AXL: variants seen among roughly 807,000 people sequenced by gnomAD.
The protein encoded by AXL is tyrosine-protein kinase receptor UFO.
AXL carries 52 observed loss-of-function variants against 104.5 expected under a neutral mutation model. The observed-to-expected ratio is 0.50, with a 90% CI of 0.40 to 0.63. AXL has a LOEUF of 0.63. Among genes scored for constraint, AXL ranks in the 20% least tolerant of loss-of-function variants. The probability of loss-of-function intolerance (pLI) is 0.00; values close to 1 mark genes in which losing one functional copy is unlikely to be tolerated. For missense variants in AXL, 1,024 were observed against 1,188.5 expected, an observed-to-expected ratio of 0.86 and a Z score of 2.04; for synonymous variants, 455 against 473.7, an observed-to-expected ratio of 0.96 and a Z score of 0.51.
At chr19:41,239,445 C>T in intron 9 of AXL, 131 bp downstream of exon 9, 1 of 1,351,240 alleles carries the variant, frequency 7.4e-7, no homozygotes, top group Non-Finnish European at 1.0e-6. Context: ...GAGAGCTGCC[C>T]TCACTCCCTT....
At position 41,232,619 on chromosome 19, in the gene AXL, G is replaced by A. The variant is rs1237134782; in HGVS notation, c.783+1321G>A. ...GCTTGGGTAACACGAGCGAACTTCC[G>A]TCTCAAGAAAAAAAAAAAAAGAAAG... On this transcript the variant is annotated intron_variant, in intron 6 of 19. Transcript: ENST00000301178. Among the ~76,000 whole-genome samples, 5 of 149,752 alleles carry A rather than the reference G, an allele frequency of 3.3e-5. No homozygotes were observed. In the South Asian group the frequency reaches 6.3e-4, roughly 19 times the overall value.
chr19:41,232,274 C>T (rs1051326936), intron 6 of AXL, among the ~76,000 whole-genome samples: 17 of 152,174 alleles, frequency 1.1e-4, no homozygotes, highest in Admixed American at 9.8e-4. Context: ...GGATATATTA[C>T]AACCCAGATG....
At chr19:41,258,419 G>A (rs763152461) in intron 19 of AXL, among the ~76,000 whole-genome samples, 7 of 152,128 alleles carry the variant, frequency 4.6e-5, no homozygotes, top group African/African-American at 7.2e-5. Flanking sequence ...CTACAGGGAG[G>A]GTAATTTATT....
chr19:41,257,429 C>G (rs1039735129), intron 18 of AXL, 64 bp from the exon 19 acceptor site: 35 of 1,603,738 alleles, frequency 2.2e-5, no homozygotes, highest in Middle Eastern at 1.7e-4. Context: ...TACCCATGAA[C>G]CTGGGTATTG....
rs746290054 is a variant in AXL at position 41,243,640 on chromosome 19, A to G, written c.1470A>G (p.Glu490=). ...GAGAAGTGTTTGAACCAACAGTGGA[A>G]AGAGGTGAACTGGTAGTCAGGTACC... ...RYGEVFEPTV[E]RGELVVRYRV... The change falls in exon 12 of 20, where the codon GAA becomes GAG. Residue 490 remains glutamate (E), a synonymous_variant. Transcript: ENST00000301178. The G allele has an allele frequency of 1.2e-6, 2 of 1,614,076 alleles. No homozygotes were observed. The highest frequency in any genetic ancestry group is 2.2e-5 in the South Asian group (2 of 91,076).
At position 41,219,354 on chromosome 19, in the gene AXL, G is replaced by C. The variant is rs199900995; in HGVS notation, c.-39G>C. 3 of 1,549,266 alleles carry C rather than the reference G, an allele frequency of 1.9e-6. No homozygotes were observed. In the South Asian group the frequency reaches 3.6e-5, roughly 18 times the overall value. On this transcript the variant is annotated 5_prime_UTR_variant, in exon 1 of 20. Coordinates refer to ENST00000301178, the MANE Select transcript of AXL (RefSeq NM_021913.5). ...ACAGCCCGGCCCTGCCCCCTCCCCC[G>C]CTGGGAGCCCAACAACTTCTGAGGA...
At chr19:41,226,659 C>A (rs2033887468) in intron 4 of AXL, 3 of 823,448 alleles carry the variant, frequency 3.6e-6, no homozygotes, top group Non-Finnish European at 4.4e-6. Flanking sequence ...ACGAGAGACA[C>A]GTACACAGAT....
intron 4 of AXL, among the ~76,000 whole-genome samples, chr19:41,223,845 T>C (rs116797745): frequency 4.3e-4 from 65 of 151,880 alleles, no homozygotes; most frequent in African/African-American, 1.5e-3. Flanking sequence ...CATGTCTGTG[T>C]GGTGGTGGTG....
At chr19:41,229,942 AGT>A (rs1482972041) in intron 4 of AXL, among the ~76,000 whole-genome samples, 2 of 150,652 alleles carry the variant, frequency 1.3e-5, no homozygotes, top group African/African-American at 2.4e-5. Context: ...TGTGCATGTG[AGT>A]GTGTGCATGT....
intron 4 of AXL, 36 bp downstream of exon 4, chr19:41,222,092 G>GCT: frequency 6.8e-7 from 1 of 1,475,632 alleles, no homozygotes; most frequent in Non-Finnish European, 9.0e-7. Context: ...CCGAATAGGG[G>GCT]GCCGGGCAGG....
intron 19 of AXL, among the ~76,000 whole-genome samples, chr19:41,258,374 T>C (rs186094981): frequency 2.0e-5 from 3 of 148,574 alleles, no homozygotes; most frequent in East Asian, 4.2e-4. Flanking sequence ...TAGGTATCAT[T>C]ATGATTCCCA....
In AXL at chr19:41,243,032, T is replaced by C. The variant is rs752876224; in HGVS notation, c.1445+17T>C. The C allele has an allele frequency of 2.5e-6, 4 of 1,613,816 alleles. No individual in the cohort carries two copies. Among genetic ancestry groups the C allele is most frequent in the Non-Finnish European group, 3.4e-6 (4 of 1,179,858 alleles). On this transcript the variant is annotated intron_variant, in intron 11 of 19. Transcript: ENST00000301178. The stretch of plus-strand genomic sequence containing the variant: ...CCGTTATGGGTGAGTTGGAACCACA[T>C]GGGGAGGCTGTGTGGCCTGGGATGG...
rs766324184 is a variant in AXL, at chr19:41,222,062, TC to T, written c.586+8del. 1 of 1,541,100 alleles carries T rather than the reference TC, an allele frequency of 6.5e-7. No individual in the cohort carries two copies. The highest frequency in any genetic ancestry group is 1.4e-5 in the African/African-American group (1 of 72,366). On this transcript the variant is annotated splice_region_variant and intron_variant, in intron 4 of 19. Transcript: ENST00000301178. ...GCGCAGCCTGCATGTTCCAGGTGAG[TC>T]CGGGGATGTGGGTCAGCTCCGAATA... is the stretch of plus-strand genomic sequence containing the variant.
chr19:41,243,872 A>G, intron 12 of AXL, 165 bp downstream of exon 12: 2 of 605,446 alleles, frequency 3.3e-6, no homozygotes, highest in Non-Finnish European at 6.0e-6. Context: ...TGGAACCACA[A>G]AGAACTTTCA....
At chr19:41,252,233 C>A in intron 14 of AXL, 118 bp from the exon 15 acceptor site, 1 of 834,036 alleles carries the variant, frequency 1.2e-6, no homozygotes, top group South Asian at 1.5e-5. Flanking sequence ...CTGGTACTTA[C>A]TAATCATGTT....
At chr19:41,234,051 C>T (rs1416434035) in intron 6 of AXL, among the ~76,000 whole-genome samples, 1 of 151,994 alleles carries the variant, frequency 6.6e-6, no homozygotes, top group Non-Finnish European at 1.5e-5. Context: ...TCCTGTCTGT[C>T]ACTGCAGGTC....
At chr19:41,254,303 G>T (rs2034417445) in intron 17 of AXL, among the ~76,000 whole-genome samples, 1 of 150,110 alleles carries the variant, frequency 6.7e-6, no homozygotes, top group Non-Finnish European at 1.5e-5. Flanking sequence ...CTTGAACCCA[G>T]GAGGCGGAGG....
chr19:41,226,859 C>A, intron 4 of AXL: 2 of 939,174 alleles, frequency 2.1e-6, no homozygotes, highest in Non-Finnish European at 2.5e-6. Context: ...TTTGGGAGGC[C>A]GAGGCGGGAG....
intron 6 of AXL, among the ~76,000 whole-genome samples, chr19:41,236,037 G>T (rs1314926574): frequency 1.3e-5 from 2 of 149,060 alleles, no homozygotes; most frequent in Non-Finnish European, 3.0e-5. Flanking sequence ...TCTCTACACA[G>T]AATAAAAAAA....
Sources: allele counts gnomAD v4.1 joint callset (sites outside exome capture counted in the v4.1 genomes callset), GRCh38; gene constraint gnomAD v4.1.1; transcripts MANE v1.5; gene names NCBI Gene and HGNC (gene_info 2026-07-23, HGNC 2026-07-21).